The following THSD7A variants were observed in gnomAD, a reference collection of about 807,000 sequenced individuals.
THSD7A encodes the protein thrombospondin type-1 domain-containing protein 7A.
In THSD7A, 96 loss-of-function variants were observed where a neutral mutation model predicts 231.3. The ratio of observed to expected loss-of-function variants is 0.41; its 90% confidence interval spans 0.35 to 0.49. THSD7A has a LOEUF of 0.49. Among genes scored for constraint, THSD7A ranks in the 20% least tolerant of loss-of-function variants. THSD7A has a pLI of 0.05. For missense variants in THSD7A, 2,290 were observed against 2,070.2 expected, an observed-to-expected ratio of 1.11 and a Z score of -2.06; for synonymous variants, 940 against 743.3, an observed-to-expected ratio of 1.26 and a Z score of -4.30.
rs1782980294 is a variant in THSD7A, at chr7:11,662,816, C to T, written c.191-25855G>A. 3.3e-5 allele frequency among the ~76,000 whole-genome samples: 5 copies of T among 151,302 alleles called. No individual in the cohort carries two copies. In the South Asian group the frequency reaches 1.0e-3, roughly 31 times the overall value. ...AATTAACAGCACACATCTAAACACACATGGATCAAAGAAGGAGTCACAACT... is the reference window on the plus strand; with the variant it reads ...AATTAACAGCACACATCTAAACACATATGGATCAAAGAAGGAGTCACAACT... On this transcript the variant is annotated intron_variant, in intron 1 of 27. Coordinates refer to ENST00000423059, the MANE Select transcript of THSD7A (RefSeq NM_015204.3).
chr7:11,476,258 A>C (rs1583814178), intron 7 of THSD7A, among the ~76,000 whole-genome samples: 1 of 151,094 alleles, frequency 6.6e-6, no homozygotes, highest in East Asian at 2.0e-4. Flanking sequence ...TTATACGTTA[A>C]GGCAAGAATA....
At chr7:11,607,962 A>G (rs547624697) in intron 2 of THSD7A, among the ~76,000 whole-genome samples, 2 of 152,192 alleles carry the variant, frequency 1.3e-5, no homozygotes, top group East Asian at 3.9e-4. Flanking sequence ...CATATTTAGT[A>G]ATGGGATAAA....
chr7:11,674,521 G>A (rs879836907), intron 1 of THSD7A, among the ~76,000 whole-genome samples: 27 of 152,142 alleles, frequency 1.8e-4, no homozygotes, highest in Non-Finnish European at 3.4e-4. Context: ...CAAAAACATT[G>A]CTGCAAAAAG....
At chr7:11,644,330 G>C (rs1782203217) in intron 1 of THSD7A, among the ~76,000 whole-genome samples, 1 of 151,850 alleles carries the variant, frequency 6.6e-6, no homozygotes, top group South Asian at 2.1e-4. Flanking sequence ...TAATTGAATT[G>C]ATTTAATTAT....
At chr7:11,523,730 C>A (rs540417611) in intron 6 of THSD7A, among the ~76,000 whole-genome samples, 5 of 151,990 alleles carry the variant, frequency 3.3e-5, no homozygotes, top group African/African-American at 9.7e-5. Context: ...ATTAAAAAAA[C>A]CAGAATATAC....
intron 15 of THSD7A, among the ~76,000 whole-genome samples, chr7:11,425,101 C>CT (rs1311613537): frequency 6.6e-6 from 1 of 152,150 alleles, no homozygotes; most frequent in Non-Finnish European, 1.5e-5. Flanking sequence ...TTTTCCTATG[C>CT]TGACCCTTAA....
At chr7:11,464,511 A>G (rs909191534) in intron 9 of THSD7A, among the ~76,000 whole-genome samples, 7 of 152,164 alleles carry the variant, frequency 4.6e-5, no homozygotes, top group Non-Finnish European at 7.4e-5. Context: ...TTAATGTTTC[A>G]ATTCTATTTT....
chr7:11,678,654 T>C (rs1268895164), intron 1 of THSD7A, among the ~76,000 whole-genome samples: 1 of 152,138 alleles, frequency 6.6e-6, no homozygotes. Flanking sequence ...CAGGAAGAAG[T>C]TGAATCCTTG....
At chr7:11,382,702 G>A (rs1782567094) in intron 23 of THSD7A, 86 bp from the exon 24 acceptor site, 1 of 998,608 alleles carries the variant, frequency 1.0e-6, no homozygotes, top group Admixed American at 2.0e-5. Flanking sequence ...ACATATTACT[G>A]AAAAGTAATA....
intron 1 of THSD7A, among the ~76,000 whole-genome samples, chr7:11,740,521 T>C (rs989936653): frequency 6.6e-6 from 1 of 151,944 alleles, no homozygotes; most frequent in Non-Finnish European, 1.5e-5. Context: ...TTTTTGCTGT[T>C]TCCCAAACAT....
intron 1 of THSD7A, among the ~76,000 whole-genome samples, chr7:11,663,563 G>A (rs1201550177): frequency 3.3e-5 from 5 of 151,458 alleles, no homozygotes; most frequent in Non-Finnish European, 7.4e-5. Flanking sequence ...AAATAACCTT[G>A]TCCCAATATC....
intron 1 of THSD7A, among the ~76,000 whole-genome samples, chr7:11,819,947 C>A (rs915022210): frequency 5.0e-4 from 76 of 152,166 alleles, no homozygotes; most frequent in Non-Finnish European, 1.8e-4. Flanking sequence ...TTCTGCTTAA[C>A]TTTCTGTAAG....
In THSD7A at chr7:11,382,552, C is replaced by G; in HGVS notation, c.4476G>C (p.Trp1492Cys). Residue 1492 changes from tryptophan (W) to cysteine (C), a missense_variant, in exon 24 of 28, where the codon TGG becomes TGC. Trp to Cys is a radical substitution (Grantham distance 215, BLOSUM62 -2). Coordinates refer to ENST00000423059, the MANE Select transcript of THSD7A (RefSeq NM_015204.3). ...SAWKGSSRTV[W>C]CQRSDGINVT... is the part of the protein sequence containing the mutation. ...CATTTATACCATCTGACCTTTGACA[C>G]CACACTGTTCGGGAAGAGCCCTTCC... 4.3e-6 allele frequency: 7 copies of G among 1,612,856 alleles called. No homozygotes were observed. The highest frequency in any genetic ancestry group is 5.9e-6 in the Non-Finnish European group (7 of 1,179,196).
chr7:11,522,841 C>CACATTTAAT (rs1329672732), intron 6 of THSD7A, among the ~76,000 whole-genome samples: 13 of 152,196 alleles, frequency 8.5e-5, no homozygotes, highest in African/African-American at 3.1e-4. Context: ...ATTCATAGCA[C>CACATTTAAT]ACATTTAATA....
chr7:11,744,850 C>A (rs1023213739), intron 1 of THSD7A, among the ~76,000 whole-genome samples: 3 of 152,026 alleles, frequency 2.0e-5, no homozygotes, highest in Non-Finnish European at 4.4e-5. Flanking sequence ...ATTTTTTGGA[C>A]ATTTGGCTTG....
chr7:11,397,850 A>G (rs183271450), intron 23 of THSD7A, among the ~76,000 whole-genome samples: 3 of 152,364 alleles, frequency 2.0e-5, no homozygotes, highest in South Asian at 4.1e-4. Context: ...CCACAATGAG[A>G]TACCATCTCA....
rs185410926 is a variant in THSD7A at position 11,654,536 on chromosome 7, T to A, written c.191-17575A>T. 5.9e-3 allele frequency among the ~76,000 whole-genome samples: 904 copies of A among 152,110 alleles called. 35 individuals carry two copies. The highest frequency in any genetic ancestry group is 0.055 in the Admixed American group (834 of 15,238). ...AAAATTAGGGAGTCAGTAATTAACA[T>A]CCATTTTCTTAGTTTTGTTTCTATA... is the stretch of plus-strand genomic sequence containing the variant. On this transcript the variant is annotated intron_variant, in intron 1 of 27. Coordinates refer to ENST00000423059, the MANE Select transcript of THSD7A (RefSeq NM_015204.3).
At position 11,373,822 on chromosome 7, in the gene THSD7A, A is replaced by ATGTT. The variant is rs1167673068; in HGVS notation, c.*1968_*1971dup. ...ACACAGCTGTTTAAGATAAAATAGCATGTTAGTTATATTATTTTTCAAATA... is the reference window on the plus strand; with the variant it reads ...ACACAGCTGTTTAAGATAAAATAGCATGTTTGTTAGTTATATTATTTTTCAAATA... On this transcript the variant is annotated 3_prime_UTR_variant, in exon 28 of 28. Coordinates refer to ENST00000423059, the MANE Select transcript of THSD7A (RefSeq NM_015204.3). 12 of 152,090 alleles carry ATGTT rather than the reference A, an allele frequency of 7.9e-5. No homozygotes were observed. The highest frequency in any genetic ancestry group is 2.4e-4 in the African/African-American group (10 of 41,438). The allele number at this position is 152,090 out of a possible 1,614,324, so 9.4% of individuals were successfully genotyped here.
At chr7:11,722,580 A>G (rs1025861225) in intron 1 of THSD7A, among the ~76,000 whole-genome samples, 2 of 151,802 alleles carry the variant, frequency 1.3e-5, no homozygotes, top group East Asian at 2.0e-4. Flanking sequence ...TTTATCCACA[A>G]CTGATCAGCA....
Sources: gnomAD v4.1 joint callset for allele counts (sites outside exome capture counted in the v4.1 genomes callset) on GRCh38, gnomAD v4.1.1 for gene constraint, MANE v1.5 for transcripts, NCBI Gene and HGNC (gene_info 2026-07-23, HGNC 2026-07-21) for gene names.